The following SUPT16H variants were observed in gnomAD, a reference collection of about 807,000 sequenced individuals.
SUPT16H encodes FACT complex subunit SPT16.
In SUPT16H, 24 loss-of-function variants were observed where a neutral mutation model predicts 136.2. The ratio of observed to expected loss-of-function variants is 0.18; its 90% CI spans 0.13 to 0.25. The LOEUF is 0.25. Among genes scored for constraint, SUPT16H ranks in the 10% least tolerant of loss-of-function variants. The probability of loss-of-function intolerance (pLI) is 1.00; values close to 1 mark genes in which losing one functional copy is unlikely to be tolerated. For missense variants in SUPT16H, 623 were observed against 1,270.2 expected (o/e 0.49, Z 7.74); for synonymous variants, 415 against 428.2 (o/e 0.97, Z 0.38).
chr14:21,373,924 C>T (rs1385275855), intron 1 of SUPT16H, among the ~76,000 whole-genome samples: 2 of 152,104 alleles, frequency 1.3e-5, no homozygotes, highest in Non-Finnish European at 2.9e-5. Context: ...GACAGGGTTT[C>T]ACTATGTGGG....
At chr14:21,373,314 TAA>T in intron 2 of SUPT16H, 22 bp downstream of exon 2, 1 of 1,568,784 alleles carries the variant, frequency 6.4e-7, no homozygotes, top group Non-Finnish European at 8.8e-7. Flanking sequence ...CTCTAAGAGC[TAA>T]AAATTGCTGT....
chr14:21,359,981 ATTATT>A (rs1886516098), intron 18 of SUPT16H, among the ~76,000 whole-genome samples: 1 of 152,214 alleles, frequency 6.6e-6, no homozygotes, highest in Non-Finnish European at 1.5e-5. Flanking sequence ...CTTTAGAGGC[ATTATT>A]TTATTTAATC....
chr14:21,376,978 C>CA (rs1384845561), intron 1 of SUPT16H, among the ~76,000 whole-genome samples: 1 of 149,704 alleles, frequency 6.7e-6, no homozygotes, highest in Non-Finnish European at 1.5e-5. Context: ...GAGGCTGAGG[C>CA]AGGAGAATCT....
At chr14:21,372,487 T>C (rs1228575521) in intron 2 of SUPT16H, 2 of 321,608 alleles carry the variant, frequency 6.2e-6, no homozygotes, top group Non-Finnish European at 1.2e-5. Context: ...CAGGTAAGTA[T>C]GGTCATTAGG....
intron 8 of SUPT16H, among the ~76,000 whole-genome samples, chr14:21,365,666 T>C (rs922107477): frequency 2.0e-5 from 3 of 152,160 alleles, no homozygotes; most frequent in African/African-American, 7.2e-5. Flanking sequence ...CTTTGTTCCA[T>C]TACACGTTAT....
At chr14:21,383,583 T>C in intron 1 of SUPT16H, 2 of 697,866 alleles carry the variant, frequency 2.9e-6, no homozygotes, top group Non-Finnish European at 5.2e-6. Context: ...TGTTGCCTCT[T>C]CTAGGGCGGG....
At chr14:21,357,482 G>GT (rs796605168) in intron 21 of SUPT16H, 116 bp from the exon 22 acceptor site, 19,533 of 1,008,142 alleles carry the variant, frequency 0.019, 36 homozygotes, top group African/African-American at 0.04. Context: ...CTGTTTTTTG[G>GT]TTTTTTTTTT....
At chr14:21,364,464 T>C (rs1203217324) in intron 10 of SUPT16H, among the ~76,000 whole-genome samples, 1 of 152,182 alleles carries the variant, frequency 6.6e-6, no homozygotes, top group Non-Finnish European at 1.5e-5. Flanking sequence ...GTTACACAAA[T>C]GTGAAAATAC....
intron 2 of SUPT16H, 116 bp downstream of exon 2, chr14:21,373,222 A>T (rs1307364978): frequency 1.7e-5 from 14 of 821,826 alleles, no homozygotes; most frequent in Non-Finnish European, 2.5e-5. Flanking sequence ...CTGGGATTAC[A>T]GGCATGAGCC....
rs374453380 is a variant in SUPT16H, at chr14:21,361,034, T to C, written c.1929+44A>G. On this transcript the variant is annotated intron_variant, in intron 16 of 25. Coordinates refer to ENST00000216297, the MANE Select transcript of SUPT16H (RefSeq NM_007192.4). ...TCCTTACAAGTCTCCAAAAAATACA[T>C]GTCCTTCTTTGTGTAAGAATGTTTT... 36 of 1,610,674 alleles carry C rather than the reference T, an allele frequency of 2.2e-5. No homozygotes were observed. The African/African-American group carries it at 4.2e-4, about 19-fold the overall frequency.
intron 8 of SUPT16H, 89 bp from the exon 9 acceptor site, chr14:21,365,232 GACAGGCAA>G: frequency 1.6e-6 from 2 of 1,231,554 alleles, no homozygotes; most frequent in Admixed American, 4.2e-5. Flanking sequence ...TTCACAATAA[GACAGGCAA>G]ACATGTTTGA....
Position 21,363,512 on chromosome 14 carries a change from A to G in SUPT16H, c.1234-9T>C. 1 of 1,610,666 alleles carries G rather than the reference A, an allele frequency of 6.2e-7. No individual in the cohort carries two copies. Among genetic ancestry groups the G allele is most frequent in the Non-Finnish European group, 8.5e-7 (1 of 1,179,044 alleles). ...ACAGTAGCTGGGCCATCCTAGAATT[A>G]AAAGGAGAATGAAGACACATTATTT... On this transcript the variant is annotated splice_polypyrimidine_tract_variant and intron_variant, in intron 10 of 25. Coordinates refer to ENST00000216297, the MANE Select transcript of SUPT16H (RefSeq NM_007192.4).
chr14:21,376,819 TAAA>T (rs1415677464), intron 1 of SUPT16H, among the ~76,000 whole-genome samples: 2 of 152,206 alleles, frequency 1.3e-5, no homozygotes, highest in African/African-American at 4.8e-5. Context: ...TAAGAAGTTA[TAAA>T]TAAAGCACTT....
chr14:21,362,295 A>G lies in SUPT16H; in HGVS notation c.1695T>C (p.Tyr565=). ...KNISMSVEGD[Y]TYLRINFYCP... Reference sequence around the variant, plus strand: ...AATAAAAGTTGATTCGCAAGTAAGTATAATCTCCTTCCACGGACATACTTA... The same window carrying G: ...AATAAAAGTTGATTCGCAAGTAAGTGTAATCTCCTTCCACGGACATACTTA... Residue 565 remains tyrosine, a synonymous_variant, in exon 15 of 26, where the codon TAT becomes TAC. Transcript: ENST00000216297. The G allele has an allele frequency of 6.2e-7, 1 of 1,614,130 alleles. No homozygotes were observed. Among genetic ancestry groups the G allele is most frequent in the Non-Finnish European group, 8.5e-7 (1 of 1,180,010 alleles).
At chr14:21,353,447 T>G in intron 25 of SUPT16H, 41 bp downstream of exon 25, 1 of 1,576,382 alleles carries the variant, frequency 6.3e-7, no homozygotes, top group Admixed American at 1.7e-5. Flanking sequence ...TAGAAATTTG[T>G]GCGTAGACAA....
chr14:21,360,790 T>G (rs1886534562), intron 17 of SUPT16H, 56 bp downstream of exon 17: 5 of 1,572,430 alleles, frequency 3.2e-6, no homozygotes, highest in Non-Finnish European at 4.3e-6. Context: ...TGATCTGTCA[T>G]TCCTAACAAA....
intron 21 of SUPT16H, 117 bp from the exon 22 acceptor site, chr14:21,357,483 T>C: frequency 1.0e-6 from 1 of 968,718 alleles, no homozygotes; most frequent in Non-Finnish European, 1.4e-6. Flanking sequence ...TGTTTTTTGG[T>C]TTTTTTTTTG....
chr14:21,379,172 A>C (rs1177262526), intron 1 of SUPT16H, among the ~76,000 whole-genome samples: 2 of 152,176 alleles, frequency 1.3e-5, no homozygotes, highest in South Asian at 4.1e-4. Flanking sequence ...GTGATGGCTC[A>C]TATCTGTAAT....
rs1886465989 is a variant in SUPT16H at position 21,357,784 on chromosome 14, CT to C, written c.2490+142del. The C allele has an allele frequency of 3.4e-6, 3 of 878,686 alleles. No individual in the cohort carries two copies. The South Asian group carries it at 5.3e-5, about 16-fold the overall frequency. The allele number at this position is 878,686 out of a possible 1,614,324, so 54.4% of individuals were successfully genotyped here. ...AGCCATTATGCCTGCCCTAAAGAGA[CT>C]TTAAAAGTAACATTTGTTCAATGAG... is the stretch of plus-strand genomic sequence containing the variant. On this transcript the variant is annotated intron_variant, in intron 21 of 25. Coordinates refer to ENST00000216297, the MANE Select transcript of SUPT16H (RefSeq NM_007192.4).
Sources: allele counts gnomAD v4.1 joint callset (sites outside exome capture counted in the v4.1 genomes callset), GRCh38; gene constraint gnomAD v4.1.1; transcripts MANE v1.5; gene names NCBI Gene and HGNC (gene_info 2026-07-23, HGNC 2026-07-21).